SLMAP: variants seen among roughly 807,000 people sequenced by gnomAD.
SLMAP encodes sarcolemmal membrane-associated protein.
A neutral mutation model predicts 128.8 loss-of-function variants in SLMAP; 44 were observed. The observed-to-expected ratio is 0.34, with a 90% CI of 0.27 to 0.44. The LOEUF (loss-of-function observed/expected upper bound fraction) is 0.44, where lower values mean the gene tolerates loss of function less well. Ranked by LOEUF, SLMAP falls within the 20% of genes least tolerant of loss-of-function variation. The pLI, the probability that SLMAP is intolerant of heterozygous loss-of-function variation, is 1.00. For missense variants in SLMAP, 787 were observed against 985.3 expected, an observed-to-expected ratio of 0.80 and a Z score of 2.69; for synonymous variants, 327 against 348.8, an observed-to-expected ratio of 0.94 and a Z score of 0.70.
chr3:57,860,134 G>A (rs1006698373), intron 8 of SLMAP, among the ~76,000 whole-genome samples: 14 of 151,996 alleles, frequency 9.2e-5, no homozygotes, highest in African/African-American at 2.4e-4. Flanking sequence ...CTCCCATCTC[G>A]GCCTCCCAAA....
rs541458313 is a variant in SLMAP, at chr3:57,833,674, T to A, written c.346+2144T>A. ...ACCTCGTGATCTGCCCATCTCAGCC[T>A]CCCAAAGTGCTGGGATTACAGGCTA... On this transcript the variant is annotated intron_variant, in intron 3 of 24. Transcript: ENST00000671191. Among the ~76,000 whole-genome samples, 8 of 152,112 alleles carry A rather than the reference T, an allele frequency of 5.3e-5. No homozygotes were observed. The East Asian group carries it at 1.5e-3, about 29-fold the overall frequency.
At chr3:57,877,827 CCTT>C (rs1326441418) in intron 14 of SLMAP, among the ~76,000 whole-genome samples, 37 of 140,794 alleles carry the variant, frequency 2.6e-4, no homozygotes, top group Non-Finnish European at 1.7e-4. Flanking sequence ...ATGCTTTTTT[CCTT>C]CTTTTTTTTT....
chr3:57,883,400 A>G (rs895918650), intron 14 of SLMAP, among the ~76,000 whole-genome samples: 1 of 152,144 alleles, frequency 6.6e-6, no homozygotes, highest in African/African-American at 2.4e-5. Context: ...AAGCCATTAA[A>G]AAATGTTGTT....
chr3:57,813,639 A>G (rs1405994575), intron 2 of SLMAP, among the ~76,000 whole-genome samples: 3 of 152,208 alleles, frequency 2.0e-5, no homozygotes, highest in Admixed American at 1.3e-4. Flanking sequence ...TTTAAGTAGT[A>G]TTTGTATTAG....
chr3:57,866,830 A>G (rs1342678536), intron 13 of SLMAP, among the ~76,000 whole-genome samples: 1 of 151,090 alleles, frequency 6.6e-6, no homozygotes, highest in Non-Finnish European at 1.5e-5. Context: ...GCTGCAGTGA[A>G]CTGAGATCAT....
chr3:57,886,620 A>G (rs1046951127), intron 14 of SLMAP, among the ~76,000 whole-genome samples: 10 of 151,084 alleles, frequency 6.6e-5, no homozygotes, highest in Admixed American at 6.6e-4. Flanking sequence ...AGAAAATTTG[A>G]GGTTTAATCC....
chr3:57,849,594 GAA>G (rs375499677), intron 5 of SLMAP, among the ~76,000 whole-genome samples, 158 bp from the exon 6 acceptor site: 46 of 152,208 alleles, frequency 3.0e-4, no homozygotes, highest in African/African-American at 1.1e-3. Context: ...CGTCAGAAAA[GAA>G]AAAAATTTAA....
chr3:57,903,809 T>C (rs2153670399), intron 17 of SLMAP, among the ~76,000 whole-genome samples: 1 of 152,350 alleles, frequency 6.6e-6, no homozygotes, highest in East Asian at 1.9e-4. Flanking sequence ...CTAAATAAAA[T>C]GAATTTGGCT....
intron 21 of SLMAP, among the ~76,000 whole-genome samples, chr3:57,913,626 T>C (rs961364934): frequency 1.3e-5 from 2 of 152,180 alleles, no homozygotes; most frequent in Admixed American, 6.5e-5. Context: ...CAGTGATCTC[T>C]TCTTTTAGTA....
intron 2 of SLMAP, among the ~76,000 whole-genome samples, chr3:57,786,731 AT>A (rs35138483): frequency 0.34 from 29,764 of 88,686 alleles, 3,504 homozygotes; most frequent in East Asian, 0.49. Context: ...TAGTCTTTGT[AT>A]TTTTTTTTTT....
intron 2 of SLMAP, among the ~76,000 whole-genome samples, chr3:57,787,075 A>T (rs2084368310): frequency 2.0e-5 from 3 of 152,170 alleles, no homozygotes; most frequent in African/African-American, 7.2e-5. Context: ...GTAAAAATGC[A>T]TTATAGCAGA....
chr3:57,835,121 CAAAAAAAAAAA>C (rs60166193), intron 3 of SLMAP, among the ~76,000 whole-genome samples: 4 of 37,654 alleles, frequency 1.1e-4, no homozygotes, highest in South Asian at 1.2e-3. Context: ...GACCCTGTCT[CAAAAAAAAAAA>C]AAAAAAAAAA....
chr3:57,900,247 A>T (rs1191477652), intron 17 of SLMAP: 1 of 152,188 alleles, frequency 6.6e-6, no homozygotes, highest in Non-Finnish European at 1.5e-5. Flanking sequence ...ACGACTTGTC[A>T]CATTTGTCAG....
intron 21 of SLMAP, among the ~76,000 whole-genome samples, chr3:57,916,476 C>T (rs563268543): frequency 3.8e-4 from 58 of 152,244 alleles, no homozygotes; most frequent in African/African-American, 1.3e-3. Flanking sequence ...ACAGGTTTAT[C>T]TTTACTTGAA....
Position 57,927,361 on chromosome 3 carries a change from G to A in SLMAP, c.*72G>A. 6.3e-7 allele frequency: 1 copy of A among 1,592,128 alleles called. No homozygotes were observed. Among genetic ancestry groups the A allele is most frequent in the Non-Finnish European group, 8.6e-7 (1 of 1,163,834 alleles). On this transcript the variant is annotated 3_prime_UTR_variant, in exon 25 of 25. Transcript: ENST00000671191. ...CAGTAACAGCCATCGTGCTGTACGT[G>A]CCAGGTCTGGCCAGAGCTTCTCCAT...
At chr3:57,858,653 A>C (rs555595547) in intron 8 of SLMAP, among the ~76,000 whole-genome samples, 3 of 152,270 alleles carry the variant, frequency 2.0e-5, no homozygotes, top group Non-Finnish European at 4.4e-5. Flanking sequence ...CATTACGGTT[A>C]CAAATAAGGC....
intron 2 of SLMAP, among the ~76,000 whole-genome samples, chr3:57,812,808 A>T (rs931488628): frequency 9.2e-5 from 14 of 151,874 alleles, no homozygotes; most frequent in East Asian, 3.9e-4. Context: ...TTCATTAAAA[A>T]TTTTTTTAAA....
chr3:57,921,023 A>AC (rs1397587007), intron 22 of SLMAP, among the ~76,000 whole-genome samples: 1 of 151,540 alleles, frequency 6.6e-6, no homozygotes, highest in African/African-American at 2.4e-5. Flanking sequence ...TCTAAAAAAA[A>AC]AAAAGAGGGA....
At chr3:57,791,201 C>CA (rs201545140) in intron 2 of SLMAP, among the ~76,000 whole-genome samples, 4,688 of 150,876 alleles carry the variant, frequency 0.031, 96 homozygotes, top group Non-Finnish European at 0.051. Flanking sequence ...ACTAAAAATA[C>CA]AAAAAAAAAT....
Sources: allele counts gnomAD v4.1 joint callset (sites outside exome capture counted in the v4.1 genomes callset), GRCh38; gene constraint gnomAD v4.1.1; transcripts MANE v1.5; gene names NCBI Gene and HGNC (gene_info 2026-07-23, HGNC 2026-07-21).